Variants in RASSF3 observed in about 807,000 individuals in gnomAD.
The protein encoded by RASSF3 is ras association domain-containing protein 3.
RASSF3 carries 19 observed loss-of-function variants against 19.9 expected under a neutral mutation model. That is an observed-to-expected ratio of 0.96 (90% CI 0.67 to 1.40). The LOEUF is 1.40. RASSF3 is among the 40% of genes most tolerant of loss of function. The pLI is 0.00. For missense variants in RASSF3, 306 were observed against 289.8 expected, an observed-to-expected ratio of 1.06 and a Z score of -0.41; for synonymous variants, 110 against 104.2, an observed-to-expected ratio of 1.06 and a Z score of -0.34.
At chr12:64,608,821 C>A (rs1870240409), upstream of RASSF3, among the ~76,000 whole-genome samples, 1 of 152,188 alleles carries the variant, frequency 6.6e-6, no homozygotes, top group African/African-American at 2.4e-5. Context: ...AAGCCCTATT[C>A]TCCTACATTA....
intron 1 of RASSF3, among the ~76,000 whole-genome samples, chr12:64,514,619 C>T (rs574761815): frequency 2.0e-5 from 3 of 152,252 alleles, no homozygotes; most frequent in South Asian, 2.1e-4. Flanking sequence ...ACACAAAATT[C>T]GTATCTGAAG....
At chr12:64,623,620 C>T (rs1449702006) in intron 1 of RASSF3, among the ~76,000 whole-genome samples, 1 of 151,980 alleles carries the variant, frequency 6.6e-6, no homozygotes, top group Non-Finnish European at 1.5e-5. Flanking sequence ...AAGGTACAGC[C>T]CTTTCAGATA....
upstream of RASSF3, among the ~76,000 whole-genome samples, chr12:64,532,677 T>C (rs979579049): frequency 2.6e-5 from 4 of 151,756 alleles, no homozygotes; most frequent in Middle Eastern, 3.4e-3. Context: ...AAAAAAATTT[T>C]TTTTTTAAAT....
chr12:64,585,844 G>C (rs956287699), intron 2 of RASSF3, among the ~76,000 whole-genome samples: 2 of 151,950 alleles, frequency 1.3e-5, no homozygotes, highest in Non-Finnish European at 2.9e-5. Context: ...GGGCTCAAGC[G>C]ATCCTCCTGC....
At chr12:64,609,640 T>A (rs904198356), upstream of RASSF3, among the ~76,000 whole-genome samples, 1 of 152,236 alleles carries the variant, frequency 6.6e-6, no homozygotes, top group African/African-American at 2.4e-5. Context: ...TGGAAACTTT[T>A]TTTGTACGTG....
At chr12:64,646,651 C>T (rs1246502042) in intron 1 of RASSF3, among the ~76,000 whole-genome samples, 2 of 152,114 alleles carry the variant, frequency 1.3e-5, no homozygotes. Flanking sequence ...CTTCTTCTCC[C>T]CTCTTATATT....
At chr12:64,667,106 G>A (rs942980975) in intron 1 of RASSF3, among the ~76,000 whole-genome samples, 4 of 152,110 alleles carry the variant, frequency 2.6e-5, no homozygotes, top group African/African-American at 9.7e-5. Context: ...ATGGGGGGGT[G>A]TGGAGAAGGT....
In RASSF3 at chr12:64,657,224, A is replaced by G. The variant is rs190209676; in HGVS notation, c.112-27563A>G. 7.6e-4 allele frequency among the ~76,000 whole-genome samples: 116 copies of G among 152,002 alleles called. 1 individual carries two copies. The highest frequency in any genetic ancestry group is 1.2e-4 in the Non-Finnish European group (8 of 67,958). On this transcript the variant is annotated intron_variant, in intron 1 of 4. Coordinates refer to ENST00000542104, the MANE Select transcript of RASSF3 (RefSeq NM_178169.4). The stretch of plus-strand genomic sequence containing the variant: ...TTGGGGTTTCGCCACGTGGGCCAGG[A>G]TGGTCTCGAACTCCTGACCTCAAGT...
intron 1 of RASSF3, among the ~76,000 whole-genome samples, chr12:64,657,037 T>C (rs1379930666): frequency 6.8e-6 from 1 of 146,296 alleles, no homozygotes; most frequent in Non-Finnish European, 1.5e-5. Context: ...TCAGACAGAG[T>C]CTTACTCTGT....
chr12:64,654,649 G>C (rs1188991600), intron 1 of RASSF3: 8 of 61,614 alleles, frequency 1.3e-4, no homozygotes, highest in African/African-American at 2.5e-4. Flanking sequence ...TTTGCGGGGG[G>C]GGGGGGGTGG....
intron 1 of RASSF3, among the ~76,000 whole-genome samples, chr12:64,624,145 G>T (rs1448642167): frequency 6.6e-6 from 1 of 151,902 alleles, no homozygotes; most frequent in African/African-American, 2.4e-5. Flanking sequence ...GTAGCGGAAC[G>T]AGTACGTTTC....
intron 1 of RASSF3, among the ~76,000 whole-genome samples, chr12:64,631,481 A>G (rs1871162041): frequency 6.6e-6 from 1 of 152,108 alleles, no homozygotes; most frequent in Non-Finnish European, 1.5e-5. Flanking sequence ...ATGGTGTAGT[A>G]AAATGAGGAG....
In RASSF3 at chr12:64,512,448, GA is replaced by G. The variant is rs201153894; in HGVS notation, c.169+5128del. On this transcript the variant is annotated intron_variant, in intron 1 of 5. Coordinates refer to the RASSF3 transcript ENST00000637125. The stretch of plus-strand genomic sequence containing the variant: ...GCAACATGGTGAGGGCCCCATCTCT[GA>G]AAAAAAAAGGCAGATTTTCTCTGTC... Among the ~76,000 whole-genome samples the G allele has an allele frequency of 3.3e-5, 5 of 150,064 alleles. No individual in the cohort carries two copies. The South Asian group carries it at 8.4e-4, about 25-fold the overall frequency.
intron 2 of RASSF3, among the ~76,000 whole-genome samples, chr12:64,558,791 G>T (rs1869297287): frequency 6.6e-6 from 1 of 152,134 alleles, no homozygotes; most frequent in Non-Finnish European, 1.5e-5. Context: ...TCAGTCAATG[G>T]GTTGCAGATC....
intron 2 of RASSF3, among the ~76,000 whole-genome samples, chr12:64,548,341 T>C (rs1869104271): frequency 1.4e-5 from 1 of 69,800 alleles, no homozygotes; most frequent in South Asian, 6.2e-4. Context: ...CCCAGCTAGT[T>C]TTTTTTATTT....
intron 1 of RASSF3, among the ~76,000 whole-genome samples, chr12:64,623,062 C>T (rs1255172576): frequency 6.6e-6 from 1 of 152,048 alleles, no homozygotes; most frequent in East Asian, 1.9e-4. Flanking sequence ...CTCAGGTGAT[C>T]CGCCTGCCTC....
At chr12:64,586,153 T>C (rs1869795174) in intron 2 of RASSF3, among the ~76,000 whole-genome samples, 1 of 151,676 alleles carries the variant, frequency 6.6e-6, no homozygotes, top group East Asian at 2.0e-4. Flanking sequence ...GGCGAAACCC[T>C]GTCTCACTAA....
chr12:64,654,657 T>A (rs10878204), intron 1 of RASSF3: 2 of 18,002 alleles, frequency 1.1e-4, no homozygotes, highest in Non-Finnish European at 2.0e-4. Context: ...GGGGGGGGGG[T>A]GGGGGGAAGC....
chr12:64,553,068 G>C (rs566978733), intron 2 of RASSF3, among the ~76,000 whole-genome samples: 23 of 152,216 alleles, frequency 1.5e-4, no homozygotes, highest in African/African-American at 4.8e-4. Context: ...AATTAGCCGG[G>C]TGTGGTGCCA....
Sources: allele counts gnomAD v4.1 joint callset (sites outside exome capture counted in the v4.1 genomes callset), GRCh38; gene constraint gnomAD v4.1.1; transcripts MANE v1.5; gene names NCBI Gene and HGNC (gene_info 2026-07-23, HGNC 2026-07-21).